SCHIP1: variants seen among roughly 807,000 people sequenced by gnomAD.
The protein encoded by SCHIP1 is schwannomin-interacting protein 1.
In SCHIP1, 8 loss-of-function variants were observed where a neutral mutation model predicts 29.7. The ratio of observed to expected loss-of-function variants is 0.27; its 90% CI spans 0.16 to 0.49. The LOEUF (loss-of-function observed/expected upper bound fraction) is 0.49. SCHIP1 is among the 20% of genes least tolerant of loss of function. The probability of loss-of-function intolerance (pLI) is 0.99; values close to 1 mark genes in which losing one functional copy is unlikely to be tolerated. For synonymous variants in SCHIP1, 76 were observed against 94.9 expected (o/e 0.80, Z 1.16); for missense variants, 193 against 294.6 (o/e 0.66, Z 2.52).
At chr3:159,686,238 C>T in the SCHIP1 span, among the ~76,000 whole-genome samples, 3 of 152,194 alleles carry the variant, frequency 2.0e-5, no homozygotes, top group Non-Finnish European at 2.9e-5. Context: ...CCCTGAGAGG[C>T]TGTAACCACA....
chr3:159,591,620 G>A, the SCHIP1 span, among the ~76,000 whole-genome samples: 1 of 152,104 alleles, frequency 6.6e-6, no homozygotes, highest in East Asian at 1.9e-4. Flanking sequence ...CCTTTTCCGG[G>A]ACATGGATGA....
the SCHIP1 span, among the ~76,000 whole-genome samples, chr3:159,591,681 C>T: frequency 6.6e-6 from 1 of 151,996 alleles, no homozygotes; most frequent in Non-Finnish European, 1.5e-5. Flanking sequence ...GAAAACCAAA[C>T]ACCACATGTT....
chr3:159,738,260 A>AT, the SCHIP1 span, among the ~76,000 whole-genome samples: 1 of 151,984 alleles, frequency 6.6e-6, no homozygotes, highest in Non-Finnish European at 1.5e-5. Context: ...TACAAAAAAA[A>AT]AAAATAAAGA....
At chr3:159,358,554 G>A in the SCHIP1 span, among the ~76,000 whole-genome samples, 5 of 152,272 alleles carry the variant, frequency 3.3e-5, 1 homozygote, top group Middle Eastern at 0.014. Flanking sequence ...GGAAAGCCAA[G>A]GCCTTAACAC....
chr3:159,612,497 A>G, the SCHIP1 span, among the ~76,000 whole-genome samples: 4 of 152,222 alleles, frequency 2.6e-5, no homozygotes, highest in African/African-American at 9.6e-5. Flanking sequence ...CTGTAATCTC[A>G]GCATTTTGCG....
At chr3:159,542,247 A>G in the SCHIP1 span, among the ~76,000 whole-genome samples, 3 of 152,064 alleles carry the variant, frequency 2.0e-5, no homozygotes, top group East Asian at 5.8e-4. Context: ...ATTGACATAC[A>G]ACAATGTATA....
the SCHIP1 span, chr3:159,282,630 A>G: frequency 6.7e-6 from 1 of 148,634 alleles, no homozygotes; most frequent in African/African-American, 2.5e-5. Context: ...TTTTATTCCA[A>G]GTAGTTAACC....
the SCHIP1 span, chr3:159,309,136 A>G: frequency 5.6e-6 from 1 of 179,330 alleles, no homozygotes; most frequent in East Asian, 2.2e-4. Context: ...TCTAAAATAA[A>G]AGTTAAAATT....
the SCHIP1 span, among the ~76,000 whole-genome samples, chr3:159,512,145 A>G: frequency 1.3e-5 from 2 of 152,148 alleles, no homozygotes; most frequent in Non-Finnish European, 2.9e-5. Flanking sequence ...AAATAATGGG[A>G]GACAGAGAGG....
chr3:159,424,742 G>C, the SCHIP1 span, among the ~76,000 whole-genome samples: 2 of 152,180 alleles, frequency 1.3e-5, no homozygotes, highest in African/African-American at 2.4e-5. Context: ...ATAATTGTCA[G>C]ATTCACCAAA....
chr3:159,301,332 A>G, the SCHIP1 span, among the ~76,000 whole-genome samples: 3 of 152,174 alleles, frequency 2.0e-5, no homozygotes, highest in Non-Finnish European at 4.4e-5. Context: ...GTTACTCTAC[A>G]TAGCTCCTTT....
At chr3:159,446,375 T>C in the SCHIP1 span, among the ~76,000 whole-genome samples, 1 of 152,040 alleles carries the variant, frequency 6.6e-6, no homozygotes, top group African/African-American at 2.4e-5. Flanking sequence ...TGAGATGATG[T>C]TTACAACAAT....
chr3:159,492,292 C>T, the SCHIP1 span, among the ~76,000 whole-genome samples: 16 of 152,116 alleles, frequency 1.1e-4, no homozygotes, highest in African/African-American at 3.9e-4. Flanking sequence ...TTCAGAAGAT[C>T]AAACTACTCC....
the SCHIP1 span, among the ~76,000 whole-genome samples, chr3:159,397,228 T>C: frequency 2.0e-5 from 3 of 152,042 alleles, no homozygotes; most frequent in African/African-American, 7.2e-5. Flanking sequence ...TCTTCTAATT[T>C]TTTTTCAAAG....
chr3:159,562,419 C>T, the SCHIP1 span, among the ~76,000 whole-genome samples: 1 of 152,168 alleles, frequency 6.6e-6, no homozygotes, highest in Non-Finnish European at 1.5e-5. Context: ...GCCTCGAGAA[C>T]TTTAGAGCTA....
chr3:159,379,426 T>C, the SCHIP1 span, among the ~76,000 whole-genome samples: 9 of 152,168 alleles, frequency 5.9e-5, no homozygotes, highest in Non-Finnish European at 1.3e-4. Flanking sequence ...TTTCACCATG[T>C]TGGCCAGGCT....
chr3:159,491,633 A>G, the SCHIP1 span, among the ~76,000 whole-genome samples: 2 of 152,248 alleles, frequency 1.3e-5, no homozygotes, highest in South Asian at 4.1e-4. Context: ...GGAGCCCACC[A>G]CAGCTCAAGG....
the SCHIP1 span, among the ~76,000 whole-genome samples, chr3:159,506,040 G>A: frequency 6.6e-6 from 1 of 152,140 alleles, no homozygotes; most frequent in Admixed American, 6.5e-5. Flanking sequence ...CTGAGGAATC[G>A]CCACACTGAC....
the SCHIP1 span, among the ~76,000 whole-genome samples, chr3:159,768,979 T>C: frequency 1.3e-5 from 2 of 152,232 alleles, no homozygotes; most frequent in Admixed American, 1.3e-4. Flanking sequence ...TGGGCTTGTA[T>C]TCCGTCTTGT....
Sources: allele counts gnomAD v4.1 joint callset (sites outside exome capture counted in the v4.1 genomes callset), GRCh38; gene constraint gnomAD v4.1.1; transcripts MANE v1.5; gene names NCBI Gene and HGNC (gene_info 2026-07-23, HGNC 2026-07-21).